NKAIN2: variants seen among roughly 807,000 people sequenced by gnomAD.
The protein encoded by NKAIN2 is sodium/potassium transporting ATPase interacting 2.
NKAIN2 carries 14 observed loss-of-function variants against 32.6 expected under a neutral mutation model. The observed-to-expected ratio is 0.43, with a 90% CI of 0.28 to 0.67. The LOEUF (loss-of-function observed/expected upper bound fraction) is 0.67, where lower values mean the gene tolerates loss of function less well. Among genes scored for constraint, NKAIN2 ranks in the 30% least tolerant of loss-of-function variants. The pLI is 0.17. For missense variants in NKAIN2, 198 were observed against 258.3 expected, an observed-to-expected ratio of 0.77 and a Z score of 1.60; for synonymous variants, 80 against 87.2, an observed-to-expected ratio of 0.92 and a Z score of 0.46.
intron 2 of NKAIN2, among the ~76,000 whole-genome samples, chr6:124,335,260 A>G (rs1797819706): frequency 6.6e-6 from 1 of 152,236 alleles, no homozygotes; most frequent in African/African-American, 2.4e-5. Context: ...ATCTAATACC[A>G]TACAAAAGAC....
chr6:124,119,338 C>T (rs1411254134), intron 1 of NKAIN2, among the ~76,000 whole-genome samples: 1 of 152,156 alleles, frequency 6.6e-6, no homozygotes, highest in Non-Finnish European at 1.5e-5. Context: ...AATAATAAAT[C>T]ATGTGCACCT....
intron 1 of NKAIN2, among the ~76,000 whole-genome samples, chr6:124,221,719 A>G (rs533033830): frequency 2.0e-5 from 3 of 152,304 alleles, no homozygotes; most frequent in East Asian, 3.9e-4. Flanking sequence ...TGTAGAGGCC[A>G]TAACCATCTG....
chr6:124,403,991 A>C (rs1016385566), intron 3 of NKAIN2, among the ~76,000 whole-genome samples: 4 of 152,060 alleles, frequency 2.6e-5, no homozygotes, highest in Non-Finnish European at 5.9e-5. Flanking sequence ...TATCTAAAGC[A>C]CCTATGTGTG....
At chr6:124,442,130 T>C (rs1210005372) in intron 3 of NKAIN2, among the ~76,000 whole-genome samples, 1 of 152,028 alleles carries the variant, frequency 6.6e-6, no homozygotes, top group Non-Finnish European at 1.5e-5. Context: ...TTATCCCTCA[T>C]CATTCAACTC....
intron 2 of NKAIN2, among the ~76,000 whole-genome samples, chr6:124,290,455 A>G (rs1795749661): frequency 6.7e-6 from 1 of 150,032 alleles, no homozygotes; most frequent in South Asian, 2.1e-4. Context: ...TCCTTTCCAT[A>G]CTCTTCTCCA....
chr6:123,826,409 G>C (rs964534040), intron 1 of NKAIN2, among the ~76,000 whole-genome samples: 1 of 152,022 alleles, frequency 6.6e-6, no homozygotes, highest in Non-Finnish European at 1.5e-5. Flanking sequence ...GTACAATTCA[G>C]TGTCATTAAG....
intron 1 of NKAIN2, among the ~76,000 whole-genome samples, chr6:124,196,251 A>G (rs189797631): frequency 1.3e-5 from 2 of 152,246 alleles, no homozygotes; most frequent in African/African-American, 4.8e-5. Context: ...ACAATACCTG[A>G]TTGTTTTGTG....
chr6:124,042,296 T>C (rs559527215), intron 1 of NKAIN2, among the ~76,000 whole-genome samples: 64 of 152,204 alleles, frequency 4.2e-4, no homozygotes, highest in African/African-American at 1.3e-3. Context: ...AGAAGCATCA[T>C]GTTCAGAAAA....
chr6:124,776,262 T>C (rs959072825), intron 4 of NKAIN2, among the ~76,000 whole-genome samples: 1 of 152,212 alleles, frequency 6.6e-6, no homozygotes, highest in Non-Finnish European at 1.5e-5. Flanking sequence ...AGTTTAGCAC[T>C]GACTAGCCCT....
chr6:124,414,357 G>A (rs990644608), intron 3 of NKAIN2, among the ~76,000 whole-genome samples: 1 of 152,064 alleles, frequency 6.6e-6, no homozygotes, highest in East Asian at 1.9e-4. Context: ...GCTTGCTACT[G>A]TATTCTTAGA....
chr6:124,331,356 A>AC (rs1797645307), intron 2 of NKAIN2, among the ~76,000 whole-genome samples: 1 of 133,652 alleles, frequency 7.5e-6, no homozygotes, highest in African/African-American at 3.0e-5. Context: ...AAAAAAAAAA[A>AC]AAAAAAAAAA....
chr6:124,456,460 G>T (rs7746439), intron 3 of NKAIN2, among the ~76,000 whole-genome samples: 1 of 151,670 alleles, frequency 6.6e-6, no homozygotes, highest in Non-Finnish European at 1.5e-5. Flanking sequence ...ATATTTTTAG[G>T]TATGAAGACC....
intron 4 of NKAIN2, among the ~76,000 whole-genome samples, chr6:124,779,609 A>C (rs1779166135): frequency 6.6e-6 from 1 of 152,200 alleles, no homozygotes; most frequent in Non-Finnish European, 1.5e-5. Context: ...CATCATACAG[A>C]GACCTGAGAA....
intron 2 of NKAIN2, among the ~76,000 whole-genome samples, chr6:124,342,991 C>A: frequency 8.9e-6 from 1 of 112,658 alleles, no homozygotes; most frequent in African/African-American, 3.4e-5. Context: ...CTCCCCCCAC[C>A]CCACAACAGT....
chr6:124,470,362 C>T (rs636603), intron 3 of NKAIN2, among the ~76,000 whole-genome samples: 115,836 of 151,942 alleles, frequency 0.76, 44,238 homozygotes, highest in East Asian at 0.78. Context: ...ATCAGCTCTG[C>T]CTTTTGAAAG....
chr6:124,604,541 AT>A (rs1271351050), intron 3 of NKAIN2, among the ~76,000 whole-genome samples: 1 of 151,716 alleles, frequency 6.6e-6, no homozygotes, highest in Non-Finnish European at 1.5e-5. Context: ...GAATAGATGA[AT>A]TTATTAGATC....
intron 3 of NKAIN2, among the ~76,000 whole-genome samples, chr6:124,628,634 C>CTAAT (rs1233035334): frequency 6.6e-6 from 1 of 151,668 alleles, no homozygotes; most frequent in Non-Finnish European, 1.5e-5. Flanking sequence ...CATTCATAAT[C>CTAAT]TAATTAGTAA....
chr6:124,250,284 T>C (rs1201885994), intron 1 of NKAIN2, among the ~76,000 whole-genome samples: 1 of 152,158 alleles, frequency 6.6e-6, no homozygotes, highest in Non-Finnish European at 1.5e-5. Context: ...CAGTCTGTGA[T>C]ATTTTGTTAT....
chr6:124,297,708 A>G (rs959126482), intron 2 of NKAIN2, among the ~76,000 whole-genome samples: 1 of 137,830 alleles, frequency 7.3e-6, no homozygotes, highest in African/African-American at 3.4e-5. Flanking sequence ...CGAGTCGGCC[A>G]TCTTGGCCCC....
Sources: allele counts gnomAD v4.1 joint callset (sites outside exome capture counted in the v4.1 genomes callset), GRCh38; gene constraint gnomAD v4.1.1; transcripts MANE v1.5; gene names NCBI Gene and HGNC (gene_info 2026-07-23, HGNC 2026-07-21).